Variants in PIP4K2C observed in about 807,000 individuals in gnomAD.
The protein encoded by PIP4K2C is phosphatidylinositol 5-phosphate 4-kinase type-2 gamma.
In PIP4K2C, 21 loss-of-function variants were observed where a neutral mutation model predicts 45.0. That is an observed-to-expected ratio of 0.47 (90% confidence interval 0.33 to 0.67). PIP4K2C has a LOEUF of 0.67. Among genes scored for constraint, PIP4K2C ranks in the 30% least tolerant of loss-of-function variants. PIP4K2C has a pLI of 0.02. For missense variants in PIP4K2C, 456 were observed against 542.8 expected (o/e 0.84, Z 1.59); for synonymous variants, 201 against 204.8 (o/e 0.98, Z 0.16).
At chr12:57,592,137 G>A (rs1565710659) in intron 1 of PIP4K2C, among the ~76,000 whole-genome samples, 2 of 152,156 alleles carry the variant, frequency 1.3e-5, no homozygotes, top group African/African-American at 4.8e-5. Flanking sequence ...TTTGGTGTAG[G>A]TGGTGGCGAT....
intron 1 of PIP4K2C, among the ~76,000 whole-genome samples, chr12:57,593,675 GTTTTTTTTTTTT>G (rs56900742): frequency 1.7e-3 from 107 of 64,044 alleles, no homozygotes; most frequent in African/African-American, 6.7e-3. Flanking sequence ...AGCTTGCAGA[GTTTTTTTTTTTT>G]TTTTTTTTTT....
At chr12:57,593,650 C>T (rs1883057495) in intron 1 of PIP4K2C, among the ~76,000 whole-genome samples, 1 of 124,998 alleles carries the variant, frequency 8.0e-6, no homozygotes, top group Admixed American at 8.2e-5. Flanking sequence ...TCTAATGGAA[C>T]ATGTAGCTGC....
At chr12:57,601,501 T>TA in intron 9 of PIP4K2C, 25 bp from the exon 10 acceptor site, 1 of 1,600,312 alleles carries the variant, frequency 6.2e-7, no homozygotes. Flanking sequence ...TGGCCTGACA[T>TA]ATTGTTCCGT....
Position 57,601,001 on chromosome 12 carries a change from A to C in PIP4K2C, c.1004A>C (p.Tyr335Ser), listed in dbSNP as rs1405307272. 1.2e-6 allele frequency: 2 copies of C among 1,614,030 alleles called. No homozygotes were observed. Among genetic ancestry groups the C allele is most frequent in the Admixed American group, 3.3e-5 (2 of 60,012 alleles). Residue 335 changes from tyrosine to serine, a missense_variant, in exon 8 of 10, where the codon TAC (tyrosine) becomes TCC (serine). Tyr to Ser is a moderately radical substitution (Grantham distance 144). This residue lies in a region of PIP4K2C where 421 missense variants were observed against 473.1 expected (regional missense o/e 0.89). Coordinates refer to ENST00000354947, the MANE Select transcript of PIP4K2C (RefSeq NM_024779.5). Reference protein sequence around the residue: ...YGTSPEGIGGYIHSHRPLGPG... With the variant: ...YGTSPEGIGGSIHSHRPLGPG... ...ACCTCCCCAGAGGGTATCGGAGGCT[A>C]CATCCATTCCCATCGGCCCCTGGGC...
chr12:57,591,576 G>A (rs538941112), intron 1 of PIP4K2C, 113 bp downstream of exon 1: 2 of 1,270,862 alleles, frequency 1.6e-6, no homozygotes, highest in Admixed American at 2.7e-5. Context: ...CCCCTCCCCC[G>A]GGTTGTCTTG....
chr12:57,598,062 G>C (rs1883266436), intron 4 of PIP4K2C: 1 of 152,138 alleles, frequency 6.6e-6, no homozygotes, highest in African/African-American at 2.4e-5. Flanking sequence ...AAAGAGAGAT[G>C]GTAAGCACTG....
In PIP4K2C at chr12:57,601,066, C is replaced by T. The variant is rs543501661; in HGVS notation, c.1069C>T (p.Arg357Trp). The T allele has an allele frequency of 5.1e-5, 83 of 1,613,342 alleles. No individual in the cohort carries two copies. Among genetic ancestry groups the T allele is most frequent in the East Asian group, 3.1e-4 (14 of 44,870 alleles). The change falls in exon 8 of 10, where the codon CGG (arginine) becomes TGG (tryptophan). Residue 357 changes from arginine (R) to tryptophan (W), a missense_variant. Around this residue, in one of 2 missense-constraint regions of PIP4K2C, gnomAD observed 421 missense variants for 473.1 expected, o/e 0.89. Transcript: ENST00000354947. ...GTCCTTCATTGATGTCTATGCCATC[C>T]GGAGTGCTGAAGGTGAGAGAACCGG... ...FESFIDVYAI[R>W]SAEGAPQKEV...
rs1883510468 is a variant in PIP4K2C, at chr12:57,602,992, A to G, written c.*1386A>G. 1 of 152,078 alleles carries G rather than the reference A, an allele frequency of 6.6e-6. No individual in the cohort carries two copies. The highest frequency in any genetic ancestry group is 1.5e-5 in the Non-Finnish European group (1 of 68,016). 9.4% of individuals were successfully genotyped at this position (152,078 alleles called of 1,614,324 possible). A position where few individuals can be genotyped will look rare whatever the true frequency, so the allele number is the denominator to read the frequency against. On this transcript the variant is annotated 3_prime_UTR_variant, in exon 10 of 10. Transcript: ENST00000354947. ...TTAGACATAAAGCTGGGCATCAGCA[A>G]CTGGCCTGTGGTGATGCAAAGCTGC...
chr12:57,600,665 A>C, intron 7 of PIP4K2C, 146 bp from the exon 8 acceptor site: 1 of 1,010,926 alleles, frequency 9.9e-7, no homozygotes, highest in Non-Finnish European at 1.5e-6. Flanking sequence ...ACATATAGGC[A>C]CTAAAGGCAG....
chr12:57,599,294 T>G (rs1883326207), intron 5 of PIP4K2C, 83 bp downstream of exon 5: 1 of 1,606,200 alleles, frequency 6.2e-7, no homozygotes, highest in African/African-American at 1.3e-5. Flanking sequence ...TTTGGATGAT[T>G]CCTTTTAAGG....
chr12:57,598,415 G>A (rs983195391), intron 4 of PIP4K2C, among the ~76,000 whole-genome samples: 6 of 151,796 alleles, frequency 4.0e-5, no homozygotes, highest in African/African-American at 1.5e-4. Context: ...CAGCTACTCG[G>A]GAGGCTGAGG....
At chr12:57,598,645 T>G (rs543343741) in intron 4 of PIP4K2C, among the ~76,000 whole-genome samples, 4 of 150,816 alleles carry the variant, frequency 2.7e-5, no homozygotes, top group Admixed American at 6.6e-5. Context: ...CCCAACCCAA[T>G]GCAGACATTT....
chr12:57,591,213 G>A lies in PIP4K2C; in HGVS notation c.-77G>A. 3 of 1,472,298 alleles carry A rather than the reference G, an allele frequency of 2.0e-6. No homozygotes were observed. The highest frequency in any genetic ancestry group is 2.8e-6 in the Non-Finnish European group (3 of 1,081,278). The allele number at this position is 1,472,298 out of a possible 1,614,324, so 91.2% of individuals were successfully genotyped here. On this transcript the variant is annotated 5_prime_UTR_variant, in exon 1 of 10. In the 5' UTR this introduces an upstream ATG that the reference lacks. Coordinates refer to ENST00000354947, the MANE Select transcript of PIP4K2C (RefSeq NM_024779.5). Reference sequence around the variant, plus strand: ...CTCCGGTCACGTGACAGCAGCGCAGGTGAGCGCCGCTTCCGGGGTCGGGCG... The same window carrying A: ...CTCCGGTCACGTGACAGCAGCGCAGATGAGCGCCGCTTCCGGGGTCGGGCG...
intron 1 of PIP4K2C, among the ~76,000 whole-genome samples, chr12:57,591,833 G>A (rs1295129220): frequency 6.6e-6 from 1 of 152,148 alleles, no homozygotes; most frequent in Non-Finnish European, 1.5e-5. Flanking sequence ...GTTGGTGAGA[G>A]TGTAGGTGGA....
chr12:57,599,527 T>C lies in PIP4K2C; in HGVS notation c.699+89T>C. The C allele has an allele frequency of 9.4e-6, 13 of 1,382,056 alleles. 1 individual carries two copies. In the South Asian group the frequency reaches 1.5e-4, roughly 16 times the overall value. 85.6% of individuals were successfully genotyped at this position (1,382,056 alleles called of 1,614,324 possible). A position where few individuals can be genotyped will look rare whatever the true frequency, so the allele number is the denominator to read the frequency against. On this transcript the variant is annotated intron_variant, in intron 6 of 9. Coordinates refer to ENST00000354947, the MANE Select transcript of PIP4K2C (RefSeq NM_024779.5). ...TTCTTAGGATGGAGAGGCCACTCTA[T>C]ATAGGAATAGGGATTACTAGCTATT...
In PIP4K2C at chr12:57,591,205, C is replaced by G. The variant is rs542310135; in HGVS notation, c.-85C>G. The G allele has an allele frequency of 1.4e-6, 2 of 1,411,356 alleles. No individual in the cohort carries two copies. The highest frequency in any genetic ancestry group is 1.9e-6 in the Non-Finnish European group (2 of 1,035,070). 87.4% of individuals were successfully genotyped at this position (1,411,356 alleles called of 1,614,324 possible). A position where few individuals can be genotyped will look rare whatever the true frequency, so the allele number is the denominator to read the frequency against. ...TGTCCGGCCTCCGGTCACGTGACAGCAGCGCAGGTGAGCGCCGCTTCCGGG... is the reference window on the plus strand; with the variant it reads ...TGTCCGGCCTCCGGTCACGTGACAGGAGCGCAGGTGAGCGCCGCTTCCGGG... On this transcript the variant is annotated 5_prime_UTR_variant, in exon 1 of 10. Transcript: ENST00000354947.
Position 57,601,512 on chromosome 12 carries a change from A to G in PIP4K2C, c.1186-14A>G. On this transcript the variant is annotated splice_polypyrimidine_tract_variant and intron_variant, in intron 9 of 9. Transcript: ENST00000354947. ...AGGGTGGCCTGACATATTGTTCCGT[A>G]TCTCCTCTCACAGGCTGGGGCAGAG... 2.5e-6 allele frequency: 4 copies of G among 1,608,504 alleles called. No homozygotes were observed. Among genetic ancestry groups the G allele is most frequent in the Non-Finnish European group, 3.4e-6 (4 of 1,174,996 alleles).
At position 57,600,380 on chromosome 12, in the gene PIP4K2C, A is replaced by G; in HGVS notation, c.756A>G (p.Val252=). 6.2e-7 allele frequency: 1 copy of G among 1,611,550 alleles called. No homozygotes were observed. The highest frequency in any genetic ancestry group is 8.5e-7 in the Non-Finnish European group (1 of 1,177,668). Residue 252 remains valine, a synonymous_variant, in exon 7 of 10, where the codon GTA becomes GTG. Transcript: ENST00000354947. ...DMDFLNKNQK[V]YIGEEEKKIF... is the part of the protein sequence containing the mutation. ...ACTTTCTCAACAAGAACCAGAAAGT[A>G]TATATTGGTGAAGAGGAGAAGAAAA...
In PIP4K2C at chr12:57,595,294, T is replaced by A. The variant is rs1322493934; in HGVS notation, c.369+72T>A. 7 of 975,916 alleles carry A rather than the reference T, an allele frequency of 7.2e-6. No homozygotes were observed. The Admixed American group carries it at 1.2e-4, about 16-fold the overall frequency. 60.5% of individuals were successfully genotyped at this position (975,916 alleles called of 1,614,324 possible). A position where few individuals can be genotyped will look rare whatever the true frequency, so the allele number is the denominator to read the frequency against. On this transcript the variant is annotated intron_variant, in intron 3 of 9. Coordinates refer to ENST00000354947, the MANE Select transcript of PIP4K2C (RefSeq NM_024779.5). ...TGAGGAGTACTATTTGGGACAGCCA[T>A]ATTTGGAGAAATGAGAGTCTTGGCA...
Sources: gnomAD v4.1 joint callset for allele counts (sites outside exome capture counted in the v4.1 genomes callset) on GRCh38, gnomAD v4.1.1 for gene constraint, gnomAD v4.1.1 regional missense constraint, MANE v1.5 for transcripts, NCBI Gene and HGNC (gene_info 2026-07-23, HGNC 2026-07-21) for gene names.